Variants in MARK3 observed in about 807,000 individuals in gnomAD.
The protein encoded by MARK3 is MAP/microtubule affinity-regulating kinase 3.
Under a neutral mutation model 90.1 loss-of-function variants are expected in MARK3, and 46 were observed. The observed-to-expected ratio is 0.51, with a 90% CI of 0.40 to 0.65. The LOEUF (loss-of-function observed/expected upper bound fraction) is 0.65. Among genes scored for constraint, MARK3 ranks in the 30% least tolerant of loss-of-function variants. The pLI, the probability that MARK3 is intolerant of heterozygous loss-of-function variation, is 0.00. For synonymous variants in MARK3, 321 were observed against 332.6 expected (o/e 0.97, Z 0.38); for missense variants, 818 against 947.2 (o/e 0.86, Z 1.79).
intron 1 of MARK3, among the ~76,000 whole-genome samples, chr14:103,393,640 G>A (rs1595435200): frequency 6.6e-6 from 1 of 152,090 alleles, no homozygotes; most frequent in Non-Finnish European, 1.5e-5. Flanking sequence ...TATATACATT[G>A]TATAACTATT....
chr14:103,500,096 G>T, intron 16 of MARK3, 60 bp from the exon 17 acceptor site: 2 of 1,313,598 alleles, frequency 1.5e-6, no homozygotes, highest in Non-Finnish European at 2.2e-6. Context: ...TCATGTACTG[G>T]CATGTAAGAT....
chr14:103,470,037 G>A (rs2093594836), intron 12 of MARK3, among the ~76,000 whole-genome samples: 1 of 148,634 alleles, frequency 6.7e-6, no homozygotes, highest in Non-Finnish European at 1.5e-5. Context: ...CTCCAGCCTA[G>A]TGACAGAGTG....
At chr14:103,398,512 C>G (rs1399663868) in intron 1 of MARK3, among the ~76,000 whole-genome samples, 1 of 152,160 alleles carries the variant, frequency 6.6e-6, no homozygotes, top group Non-Finnish European at 1.5e-5. Context: ...ACATCCCATT[C>G]TAATCCTAGT....
intron 14 of MARK3, 92 bp from the exon 15 acceptor site, chr14:103,491,685 C>CCCGATTTTTTTTTATA: frequency 7.1e-7 from 1 of 1,402,238 alleles, no homozygotes; most frequent in Admixed American, 2.1e-5. Flanking sequence ...ATTTTTTATA[C>CCCGATTTTTTTTTATA]CCGATTTTCT....
chr14:103,440,497 T>C (rs2092822725), intron 3 of MARK3, among the ~76,000 whole-genome samples: 1 of 152,150 alleles, frequency 6.6e-6, no homozygotes, highest in African/African-American at 2.4e-5. Context: ...TTAAAATTTG[T>C]GCCATCACAG....
At chr14:103,473,697 TC>T (rs1284113715) in intron 12 of MARK3, among the ~76,000 whole-genome samples, 6 of 152,126 alleles carry the variant, frequency 3.9e-5, no homozygotes, top group Non-Finnish European at 8.8e-5. Context: ...AACTAACTCC[TC>T]CCCACTCCCG....
chr14:103,447,619 G>T (rs1376430671), intron 3 of MARK3, among the ~76,000 whole-genome samples: 1 of 152,096 alleles, frequency 6.6e-6, no homozygotes, highest in Admixed American at 6.5e-5. Flanking sequence ...GAATAGGATG[G>T]TCTCTAAAAT....
At chr14:103,472,523 T>A (rs1249355588) in intron 12 of MARK3, among the ~76,000 whole-genome samples, 2 of 151,346 alleles carry the variant, frequency 1.3e-5, no homozygotes, top group Non-Finnish European at 2.9e-5. Flanking sequence ...GTCAAGTGCC[T>A]GTAGTCCTAG....
chr14:103,397,705 C>T (rs929681069), intron 1 of MARK3, among the ~76,000 whole-genome samples: 4 of 152,082 alleles, frequency 2.6e-5, no homozygotes, highest in Non-Finnish European at 5.9e-5. Context: ...TATTTTTCAC[C>T]GTATTACATT....
intron 1 of MARK3, among the ~76,000 whole-genome samples, chr14:103,387,693 A>G (rs1321168643): frequency 6.6e-6 from 1 of 151,532 alleles, no homozygotes; most frequent in African/African-American, 2.4e-5. Context: ...GGGTTTCACC[A>G]TGTTGGCCAG....
At chr14:103,414,100 C>T (rs1223745481) in intron 2 of MARK3, among the ~76,000 whole-genome samples, 1 of 152,024 alleles carries the variant, frequency 6.6e-6, no homozygotes, top group Non-Finnish European at 1.5e-5. Flanking sequence ...AACTAGAAAA[C>T]TGATTTTATA....
chr14:103,386,229 C>T (rs1056065896), intron 1 of MARK3, 149 bp downstream of exon 1: 10 of 780,380 alleles, frequency 1.3e-5, no homozygotes, highest in Admixed American at 3.9e-5. Context: ...CAGGTCGGAC[C>T]GTTTCCTCCA....
At chr14:103,496,118 C>G (rs2075322570) in intron 15 of MARK3, among the ~76,000 whole-genome samples, 1 of 152,238 alleles carries the variant, frequency 6.6e-6, no homozygotes, top group Non-Finnish European at 1.5e-5. Context: ...AACAGCCAGG[C>G]ACACGCAAGT....
chr14:103,486,205 G>A (rs1030452343), intron 14 of MARK3, among the ~76,000 whole-genome samples: 12 of 152,100 alleles, frequency 7.9e-5, no homozygotes, highest in South Asian at 2.1e-4. Flanking sequence ...TTGGGAGGCC[G>A]AGGCAAGTGC....
Position 103,466,422 on chromosome 14 carries a change from T to TCTA in MARK3, c.979_980insACT (p.Ile326_Ser327insTyr). The TCTA allele has an allele frequency of 6.2e-7, 1 of 1,612,828 alleles. No individual in the cohort carries two copies. Among genetic ancestry groups the TCTA allele is most frequent in the East Asian group, 2.2e-5 (1 of 44,852 alleles). ...CCATTTGTTGAACCAGAGCTAGACA[T>TCTA]CTCAGACCAAAAAAGAATAGGTAAT... is the stretch of plus-strand genomic sequence containing the variant. On this transcript the variant is annotated inframe_insertion, in exon 10 of 18. Transcript: ENST00000429436.
intron 2 of MARK3, 123 bp from the exon 3 acceptor site, chr14:103,428,264 G>GTT: frequency 1.8e-6 from 1 of 560,696 alleles, no homozygotes; most frequent in South Asian, 2.5e-5. Flanking sequence ...AACCAGCTGA[G>GTT]TTTTAGGTTT....
intron 12 of MARK3, among the ~76,000 whole-genome samples, chr14:103,470,684 TG>T (rs763036238): frequency 2.6e-5 from 4 of 151,880 alleles, no homozygotes; most frequent in Non-Finnish European, 2.9e-5. Flanking sequence ...CCCGAACTCC[TG>T]AACTCAGGTG....
In MARK3 at chr14:103,464,891, G is replaced by A. The variant is rs139064743; in HGVS notation, c.541-666G>A. ...TTTAAAAATCTTTTGTAGAGAAAGG[G>A]TCTCACTATGTTGCCCAAGCTGGTC... On this transcript the variant is annotated intron_variant, in intron 7 of 17. Transcript: ENST00000429436. 2.7e-3 allele frequency among the ~76,000 whole-genome samples: 409 copies of A among 152,116 alleles called. 2 individuals are homozygous for A. Among genetic ancestry groups the A allele is most frequent in the African/African-American group, 9.4e-3 (391 of 41,502 alleles).
chr14:103,475,712 C>T (rs192497952), intron 13 of MARK3, among the ~76,000 whole-genome samples: 133 of 152,174 alleles, frequency 8.7e-4, no homozygotes, highest in African/African-American at 2.1e-3. Context: ...TTTGGGAGGC[C>T]GAGGTGGGTA....
Sources: gnomAD v4.1 joint callset for allele counts (sites outside exome capture counted in the v4.1 genomes callset) on GRCh38, gnomAD v4.1.1 for gene constraint, MANE v1.5 for transcripts, NCBI Gene and HGNC (gene_info 2026-07-23, HGNC 2026-07-21) for gene names.